The following FBXL13 variants were observed in gnomAD, a reference collection of about 807,000 sequenced individuals.
FBXL13 encodes F-box and leucine rich repeat protein 13.
In FBXL13, 67 loss-of-function variants were observed where a neutral mutation model predicts 83.6. That is an observed-to-expected ratio of 0.80 (90% confidence interval 0.66 to 0.98). FBXL13 has a LOEUF of 0.98. Among genes scored for constraint, FBXL13 ranks in the 50% least tolerant of loss-of-function variants. The probability of loss-of-function intolerance (pLI) is 0.00; values close to 1 mark genes in which losing one functional copy is unlikely to be tolerated. For synonymous variants in FBXL13, 272 were observed against 299.5 expected, an observed-to-expected ratio of 0.91 and a Z score of 0.95; for missense variants, 822 against 866.5, an observed-to-expected ratio of 0.95 and a Z score of 0.64.
intron 14 of FBXL13, among the ~76,000 whole-genome samples, chr7:102,882,880 T>A (rs1191909115): frequency 6.6e-6 from 1 of 152,178 alleles, no homozygotes; most frequent in African/African-American, 2.4e-5. Context: ...GAACCCACCC[T>A]CTGTCCATTT....
intron 10 of FBXL13, among the ~76,000 whole-genome samples, chr7:102,922,604 A>G (rs1817273575): frequency 6.6e-6 from 1 of 152,230 alleles, no homozygotes; most frequent in South Asian, 2.1e-4. Flanking sequence ...TAGCCAATCA[A>G]TTCTCACACA....
intron 10 of FBXL13, among the ~76,000 whole-genome samples, chr7:102,924,233 C>T (rs1398022235): frequency 4.2e-5 from 6 of 144,536 alleles, no homozygotes; most frequent in East Asian, 2.0e-4. Flanking sequence ...AGCAAAACTC[C>T]GTCTCAAAAA....
At chr7:102,912,846 C>T (rs1312674143) in intron 11 of FBXL13, 3 of 429,372 alleles carry the variant, frequency 7.0e-6, no homozygotes, top group Admixed American at 3.8e-5. Flanking sequence ...AAAAGTGGTC[C>T]GTTTCCTCAT....
intron 17 of FBXL13, among the ~76,000 whole-genome samples, chr7:102,839,388 A>C (rs1247420507): frequency 6.6e-6 from 1 of 152,208 alleles, no homozygotes; most frequent in Non-Finnish European, 1.5e-5. Context: ...GCTGAGCGCC[A>C]GTCCCCTGGG....
chr7:102,856,557 C>A (rs1198102602), intron 16 of FBXL13, among the ~76,000 whole-genome samples: 1 of 152,130 alleles, frequency 6.6e-6, no homozygotes, highest in South Asian at 2.1e-4. Flanking sequence ...ATGCTTACTA[C>A]TTTATTCAAA....
At chr7:102,974,175 G>C (rs973202942) in intron 6 of FBXL13, among the ~76,000 whole-genome samples, 1 of 152,154 alleles carries the variant, frequency 6.6e-6, no homozygotes, top group African/African-American at 2.4e-5. Context: ...CGGATCACCA[G>C]GTCAGGAGGT....
At chr7:103,022,202 C>G (rs939040378) in intron 6 of FBXL13, among the ~76,000 whole-genome samples, 8 of 152,062 alleles carry the variant, frequency 5.3e-5, no homozygotes, top group Non-Finnish European at 1.0e-4. Flanking sequence ...AAGCTGGAAA[C>G]CATCATTCTC....
At chr7:103,071,355 G>C (rs914364208) in intron 1 of FBXL13, among the ~76,000 whole-genome samples, 1 of 151,964 alleles carries the variant, frequency 6.6e-6, no homozygotes, top group Admixed American at 6.6e-5. Flanking sequence ...AAGCCCAGGG[G>C]ACCAAGCAGG....
intron 11 of FBXL13, among the ~76,000 whole-genome samples, chr7:102,903,715 A>G (rs757498499): frequency 6.6e-5 from 10 of 152,130 alleles, no homozygotes; most frequent in Non-Finnish European, 1.0e-4. Flanking sequence ...TCCAGCATCA[A>G]CTGAAATGAT....
intron 6 of FBXL13, among the ~76,000 whole-genome samples, chr7:102,994,352 A>G (rs1318783845): frequency 6.6e-6 from 1 of 152,112 alleles, no homozygotes; most frequent in African/African-American, 2.4e-5. Flanking sequence ...AAACAGATGT[A>G]TAATATTCTT....
At chr7:102,974,625 C>T (rs1224797985) in intron 6 of FBXL13, among the ~76,000 whole-genome samples, 2 of 152,044 alleles carry the variant, frequency 1.3e-5, no homozygotes, top group African/African-American at 2.4e-5. Context: ...GATCACAACC[C>T]GACCTCTGTA....
At chr7:102,995,478 C>CAAAAAAAAAA (rs1158263069) in intron 6 of FBXL13, among the ~76,000 whole-genome samples, 1 of 28,600 alleles carries the variant, frequency 3.5e-5, no homozygotes, top group African/African-American at 1.6e-4. Flanking sequence ...GACTCCATCT[C>CAAAAAAAAAA]AAAAAAAAAA....
intron 14 of FBXL13, among the ~76,000 whole-genome samples, chr7:102,879,711 G>A (rs1330629148): frequency 6.6e-6 from 1 of 151,918 alleles, no homozygotes; most frequent in Non-Finnish European, 1.5e-5. Context: ...TTGTATGTTT[G>A]TTTGTTTGTT....
rs1050320386 is a variant in FBXL13, at chr7:102,964,140, G to A, written c.592-475C>T. Among the ~76,000 whole-genome samples, 6 of 151,886 alleles carry A rather than the reference G, an allele frequency of 4.0e-5. No homozygotes were observed. In the East Asian group the frequency reaches 5.9e-4, roughly 15 times the overall value. ...AGCCTAGCCAACATGGCAAAACCCCGTCTCTACTAGAAATACAAAAATTAG... is the reference window on the plus strand; with the variant it reads ...AGCCTAGCCAACATGGCAAAACCCCATCTCTACTAGAAATACAAAAATTAG... On this transcript the variant is annotated intron_variant, in intron 7 of 19. Coordinates refer to ENST00000313221, the Ensembl canonical transcript of FBXL13.
intron 1 of FBXL13, among the ~76,000 whole-genome samples, chr7:103,057,416 G>GA (rs1797441860): frequency 6.8e-6 from 1 of 147,870 alleles, no homozygotes; most frequent in Admixed American, 6.6e-5. Context: ...ATTGGGGTTG[G>GA]GGGGGGTTGT....
chr7:102,944,686 C>T, intron 8 of FBXL13: 1 of 1,289,034 alleles, frequency 7.8e-7, no homozygotes, highest in Non-Finnish European at 1.1e-6. Context: ...ATTTGATTAA[C>T]TGTGTTGCCT....
At chr7:102,950,860 G>A (rs1823287977) in intron 8 of FBXL13, among the ~76,000 whole-genome samples, 1 of 151,950 alleles carries the variant, frequency 6.6e-6, no homozygotes. Flanking sequence ...AGGGTGAGGG[G>A]GGATGACCAA....
At chr7:102,955,817 C>T (rs552404247) in intron 8 of FBXL13, among the ~76,000 whole-genome samples, 18 of 152,168 alleles carry the variant, frequency 1.2e-4, no homozygotes, top group Admixed American at 5.9e-4. Context: ...CATACACCCT[C>T]CCAAGACTAA....
exon 15 of FBXL13, chr7:102,878,429 C>G: frequency 1.2e-6 from 2 of 1,604,908 alleles, no homozygotes; most frequent in Non-Finnish European, 1.7e-6. Context: ...CAAGAAATTG[C>G]TTTAGTCCCA....
Sources: gnomAD v4.1 joint callset for allele counts (sites outside exome capture counted in the v4.1 genomes callset) on GRCh38, gnomAD v4.1.1 for gene constraint, MANE v1.5 for transcripts, NCBI Gene and HGNC (gene_info 2026-07-23, HGNC 2026-07-21) for gene names.